Variants in COG5 observed in about 807,000 individuals in gnomAD.
The protein encoded by COG5 is component of oligomeric golgi complex 5.
Under a neutral mutation model 110.4 loss-of-function variants are expected in COG5, and 86 were observed. The observed-to-expected ratio is 0.78, with a 90% CI of 0.65 to 0.93. The LOEUF is 0.93. Ranked by LOEUF, COG5 falls within the 40% of genes least tolerant of loss-of-function variation. COG5 has a pLI of 0.00. For synonymous variants in COG5, 360 were observed against 334.6 expected, an observed-to-expected ratio of 1.08 and a Z score of -0.83; for missense variants, 1,077 against 987.0, an observed-to-expected ratio of 1.09 and a Z score of -1.22.
At chr7:107,394,543 T>C (rs1790851173) in intron 7 of COG5, among the ~76,000 whole-genome samples, 1 of 152,226 alleles carries the variant, frequency 6.6e-6, no homozygotes, top group Admixed American at 6.5e-5. Context: ...AAGCAACTGC[T>C]GGCATAGCTA....
At chr7:107,230,052 T>C (rs924860930) in intron 19 of COG5, among the ~76,000 whole-genome samples, 8 of 152,042 alleles carry the variant, frequency 5.3e-5, no homozygotes, top group Non-Finnish European at 1.0e-4. Flanking sequence ...AGTTTCACCA[T>C]GTTGGCCAGG....
chr7:107,304,896 A>G (rs1338364167), intron 11 of COG5, among the ~76,000 whole-genome samples: 1 of 152,236 alleles, frequency 6.6e-6, no homozygotes, highest in Non-Finnish European at 1.5e-5. Context: ...ACTACATGCC[A>G]AATACTGTTG....
intron 10 of COG5, among the ~76,000 whole-genome samples, chr7:107,348,864 C>T (rs1232046264): frequency 6.9e-6 from 1 of 144,670 alleles, no homozygotes; most frequent in Non-Finnish European, 1.5e-5. Context: ...TAGAATTTTT[C>T]TTTTTTTTTT....
At chr7:107,288,907 GATATAT>G (rs60313728) in intron 12 of COG5, among the ~76,000 whole-genome samples, 1,179 of 93,598 alleles carry the variant, frequency 0.013, 11 homozygotes, top group Admixed American at 0.015. Context: ...TTCTAACAGA[GATATAT>G]ATATATATAT....
rs115595940 is a variant in COG5, at chr7:107,209,896, A to T, written c.2375+630T>A. 70 of 985,924 alleles carry T rather than the reference A, an allele frequency of 7.1e-5. No individual in the cohort carries two copies. In the African/African-American group the frequency reaches 1.2e-3, roughly 17 times the overall value. 61.1% of individuals were successfully genotyped at this position (985,924 alleles called of 1,614,324 possible). A position where few individuals can be genotyped will look rare whatever the true frequency, so the allele number is the denominator to read the frequency against. ...AAAATGGGAATGTTTGGTGGCTGAG[A>T]GGTCTCTGGTGATGGTGAGAGCAGT... is the stretch of plus-strand genomic sequence containing the variant. On this transcript the variant is annotated intron_variant, in intron 21 of 21. Transcript: ENST00000297135.
At chr7:107,230,757 C>T (rs1370876570) in intron 18 of COG5, 66 bp from the exon 19 acceptor site, 5 of 1,254,300 alleles carry the variant, frequency 4.0e-6, no homozygotes, top group Non-Finnish European at 5.8e-6. Context: ...GGGAAAGACC[C>T]GGATCACAGA....
rs1459379057 is a variant in COG5, at chr7:107,208,979, A to G, written c.2375+1547T>C. 4.1e-6 allele frequency: 4 copies of G among 977,612 alleles called. No homozygotes were observed. In the African/African-American group the frequency reaches 7.0e-5, roughly 17 times the overall value. 60.6% of individuals were successfully genotyped at this position (977,612 alleles called of 1,614,324 possible). A position where few individuals can be genotyped will look rare whatever the true frequency, so the allele number is the denominator to read the frequency against. On this transcript the variant is annotated intron_variant, in intron 21 of 21. Coordinates refer to ENST00000297135, the MANE Select transcript of COG5 (RefSeq NM_006348.5). Reference sequence around the variant, plus strand: ...TGGGGAGCTATAGAGAAATCCTGATAGCAGGCCTACCCTGGAGATTCTGAG... The same window carrying G: ...TGGGGAGCTATAGAGAAATCCTGATGGCAGGCCTACCCTGGAGATTCTGAG...
At chr7:107,528,523 C>A (rs1244546695) in intron 5 of COG5, among the ~76,000 whole-genome samples, 1 of 152,120 alleles carries the variant, frequency 6.6e-6, no homozygotes, top group Non-Finnish European at 1.5e-5. Flanking sequence ...AATAAAGGTT[C>A]ATGTATTTTA....
chr7:107,298,407 T>C lies in COG5; in HGVS notation c.1109-61A>G, dbSNP rs778575816. Reference sequence around the variant, plus strand: ...AATAAAATGTAGTAAATGTTTCTTTTGCATATGAAGATATGTTCCAAATAA... The same window carrying C: ...AATAAAATGTAGTAAATGTTTCTTTCGCATATGAAGATATGTTCCAAATAA... On this transcript the variant is annotated intron_variant, in intron 11 of 21. Coordinates refer to ENST00000297135, the MANE Select transcript of COG5 (RefSeq NM_006348.5). The C allele has an allele frequency of 4.3e-6, 6 of 1,388,452 alleles. 1 individual carries two copies. The highest frequency in any genetic ancestry group is 4.6e-4 in the Middle Eastern group (2 of 4,310). The allele number at this position is 1,388,452 out of a possible 1,614,324, so 86.0% of individuals were successfully genotyped here.
At chr7:107,256,906 T>A in intron 15 of COG5, 112 bp from the exon 16 acceptor site, 1 of 737,390 alleles carries the variant, frequency 1.4e-6, no homozygotes, top group Non-Finnish European at 2.4e-6. Flanking sequence ...TACAATATTA[T>A]CATTGCTTTA....
Position 107,530,499 on chromosome 7 carries a change from G to A in COG5, c.418-3142C>T, listed in dbSNP as rs140214564. 4.8e-3 allele frequency among the ~76,000 whole-genome samples: 731 copies of A among 151,338 alleles called. 5 individuals are homozygous for A. Among genetic ancestry groups the A allele is most frequent in the Middle Eastern group, 0.021 (6 of 292 alleles). On this transcript the variant is annotated intron_variant, in intron 5 of 21. Transcript: ENST00000297135. ...GCCTGTAATCCCAACTACTTGGGAGGCTGAGGCAGAAGAATCGCTTGAACC... is the reference window on the plus strand; with the variant it reads ...GCCTGTAATCCCAACTACTTGGGAGACTGAGGCAGAAGAATCGCTTGAACC...
At chr7:107,325,208 A>G (rs562500459) in intron 10 of COG5, among the ~76,000 whole-genome samples, 49 of 152,336 alleles carry the variant, frequency 3.2e-4, no homozygotes, top group African/African-American at 1.1e-3. Flanking sequence ...AAAGAAAGAC[A>G]AAGAACTTTA....
At chr7:107,499,157 TGAG>T (rs1419849579) in intron 6 of COG5, among the ~76,000 whole-genome samples, 1 of 151,912 alleles carries the variant, frequency 6.6e-6, no homozygotes, top group Middle Eastern at 3.2e-3. Flanking sequence ...GAGGAAGAAA[TGAG>T]GAGTTGTTAA....
intron 1 of COG5, 113 bp downstream of exon 1, chr7:107,563,690 C>T: frequency 4.0e-6 from 5 of 1,237,134 alleles, no homozygotes; most frequent in Non-Finnish European, 5.9e-6. Flanking sequence ...GGAGTGGTCA[C>T]GTCCAGACTG....
chr7:107,490,924 G>A (rs1218705422), intron 6 of COG5, among the ~76,000 whole-genome samples: 1 of 151,826 alleles, frequency 6.6e-6, no homozygotes, highest in Non-Finnish European at 1.5e-5. Context: ...TTATGAATAC[G>A]GTGTTGTTCT....
At chr7:107,408,222 T>C (rs1464809329) in intron 7 of COG5, among the ~76,000 whole-genome samples, 2 of 152,240 alleles carry the variant, frequency 1.3e-5, no homozygotes, top group East Asian at 3.8e-4. Context: ...CTATGACTGT[T>C]TTCCTGCCTC....
chr7:107,515,840 T>C lies in COG5; in HGVS notation c.538+11397A>G, dbSNP rs116018670. On this transcript the variant is annotated intron_variant, in intron 6 of 21. Transcript: ENST00000297135. ...AAACAATTATTAAATCAATTCTCAG[T>C]ATAGCAAAATAAAGTTTCTAAGCCA... Among the ~76,000 whole-genome samples, 483 of 152,302 alleles carry C rather than the reference T, an allele frequency of 3.2e-3. 4 individuals are homozygous for C. Among genetic ancestry groups the C allele is most frequent in the African/African-American group, 0.011 (474 of 41,562 alleles).
chr7:107,235,413 G>T (rs1801105818), intron 18 of COG5, among the ~76,000 whole-genome samples: 2 of 152,216 alleles, frequency 1.3e-5, no homozygotes, highest in South Asian at 4.1e-4. Flanking sequence ...GCTTAAAAAT[G>T]ATTTTACCCA....
At chr7:107,326,368 T>C (rs965646943) in intron 10 of COG5, among the ~76,000 whole-genome samples, 1 of 152,106 alleles carries the variant, frequency 6.6e-6, no homozygotes, top group Admixed American at 6.5e-5. Context: ...TAAAATTATA[T>C]CTGTTTCTAG....
Sources: gnomAD v4.1 joint callset for allele counts (sites outside exome capture counted in the v4.1 genomes callset) on GRCh38, gnomAD v4.1.1 for gene constraint, MANE v1.5 for transcripts, NCBI Gene and HGNC (gene_info 2026-07-23, HGNC 2026-07-21) for gene names.